The following CNBD1 variants were observed in gnomAD, a reference collection of about 807,000 sequenced individuals.
The protein encoded by CNBD1 is cyclic nucleotide-binding domain-containing protein 1.
CNBD1 carries 71 observed loss-of-function variants against 54.4 expected under a neutral mutation model. The observed-to-expected ratio is 1.30, with a 90% CI of 1.08 to 1.59. The LOEUF (loss-of-function observed/expected upper bound fraction) is 1.59. Among genes scored for constraint, CNBD1 ranks in the 40% most tolerant of loss-of-function variants. The pLI, the probability that CNBD1 is intolerant of heterozygous loss-of-function variation, is 0.00. For missense variants in CNBD1, 659 were observed against 518.0 expected (o/e 1.27, Z -2.64); for synonymous variants, 182 against 170.7 (o/e 1.07, Z -0.51).
intron 4 of CNBD1, among the ~76,000 whole-genome samples, chr8:87,180,390 C>T (rs1397607141): frequency 6.6e-6 from 1 of 152,084 alleles, no homozygotes; most frequent in African/African-American, 2.4e-5. Context: ...AGTAGTTTCA[C>T]CAAAATAAGC....
chr8:86,939,861 G>A (rs1260497920), intron 4 of CNBD1, 107 bp downstream of exon 4: 9 of 678,250 alleles, frequency 1.3e-5, no homozygotes, highest in Non-Finnish European at 1.9e-5. Context: ...TTATGATACA[G>A]CACTCATGGT....
intron 5 of CNBD1, among the ~76,000 whole-genome samples, chr8:87,221,922 T>A (rs1161513193): frequency 1.3e-5 from 2 of 152,150 alleles, no homozygotes; most frequent in Admixed American, 6.6e-5. Flanking sequence ...TAGACTTGTG[T>A]CTTAAAATAA....
intron 3 of CNBD1, among the ~76,000 whole-genome samples, chr8:86,912,999 T>C (rs2131816566): frequency 6.6e-6 from 1 of 152,302 alleles, no homozygotes; most frequent in East Asian, 1.9e-4. Flanking sequence ...AGGATAAAGA[T>C]AGAAACAAAG....
intron 8 of CNBD1, among the ~76,000 whole-genome samples, chr8:87,335,511 A>G (rs1380458507): frequency 6.6e-6 from 1 of 152,122 alleles, no homozygotes; most frequent in Non-Finnish European, 1.5e-5. Flanking sequence ...GTTTTATCAG[A>G]GACTAGGGTT....
At chr8:87,270,700 T>A (rs577720414) in intron 6 of CNBD1, among the ~76,000 whole-genome samples, 141 of 151,918 alleles carry the variant, frequency 9.3e-4, no homozygotes, top group African/African-American at 1.5e-3. Context: ...TTTAAAAAAA[T>A]TTATTTATTT....
chr8:87,287,716 A>G (rs956533574), intron 8 of CNBD1, among the ~76,000 whole-genome samples: 2 of 152,100 alleles, frequency 1.3e-5, no homozygotes, highest in Admixed American at 6.6e-5. Context: ...TCTTTTACTG[A>G]AAAAAAGTAA....
At chr8:87,339,358 T>A (rs969560240) in intron 8 of CNBD1, among the ~76,000 whole-genome samples, 2 of 152,162 alleles carry the variant, frequency 1.3e-5, no homozygotes, top group Non-Finnish European at 2.9e-5. Context: ...TCAGTTACAA[T>A]TCAGGTTTCC....
At chr8:87,080,562 C>G (rs2130664521) in intron 4 of CNBD1, among the ~76,000 whole-genome samples, 1 of 148,670 alleles carries the variant, frequency 6.7e-6, no homozygotes, top group East Asian at 2.0e-4. Context: ...AAGAGTGAAG[C>G]TCCATCTCAA....
chr8:87,364,229 A>G (rs1294417701), intron 10 of CNBD1, among the ~76,000 whole-genome samples: 1 of 150,754 alleles, frequency 6.6e-6, no homozygotes, highest in Non-Finnish European at 1.5e-5. Context: ...AAGTATCTAT[A>G]TATATGTATA....
At chr8:87,392,479 G>A (rs1811327222) in intron 2 of CNBD1, among the ~76,000 whole-genome samples, 1 of 151,960 alleles carries the variant, frequency 6.6e-6, no homozygotes, top group African/African-American at 2.4e-5. Flanking sequence ...GCAATAAGAA[G>A]GAATGAAGTC....
chr8:87,285,059 A>C (rs958629477), intron 7 of CNBD1, among the ~76,000 whole-genome samples: 2 of 152,102 alleles, frequency 1.3e-5, no homozygotes, highest in East Asian at 3.9e-4. Context: ...GCTTTTCATT[A>C]ATTTTAAACT....
intron 2 of CNBD1, among the ~76,000 whole-genome samples, chr8:86,904,281 G>T (rs1016024364): frequency 3.3e-5 from 5 of 151,946 alleles, no homozygotes; most frequent in Non-Finnish European, 7.4e-5. Context: ...TATAATTATT[G>T]AAATAAGCTC....
chr8:87,400,821 A>C (rs1807551525), intron 2 of CNBD1, among the ~76,000 whole-genome samples: 2 of 152,038 alleles, frequency 1.3e-5, no homozygotes, highest in Admixed American at 6.6e-5. Flanking sequence ...TCTGGTTGAC[A>C]TAGTGATTTC....
Position 86,866,429 on chromosome 8 carries a change from C to T in CNBD1, c.-67C>T. 9.0e-7 allele frequency: 1 copy of T among 1,113,438 alleles called. No homozygotes were observed. Among genetic ancestry groups the T allele is most frequent in the Non-Finnish European group, 1.3e-6 (1 of 747,436 alleles). The allele number at this position is 1,113,438 out of a possible 1,614,324, so 69.0% of individuals were successfully genotyped here. A position where few individuals can be genotyped will look rare whatever the true frequency, so the allele number is the denominator to read the frequency against. ...CTTGAAGTTCTGCTTTATGAGCCTG[C>T]AGGCAAAGAGTGATCATTTGCCTCT... On this transcript the variant is annotated 5_prime_UTR_variant, in exon 1 of 11. An upstream open reading frame in the 5' UTR gains an earlier in-frame stop. Coordinates refer to ENST00000518476, the MANE Select transcript of CNBD1 (RefSeq NM_173538.3).
chr8:87,030,509 C>T (rs59203528), intron 4 of CNBD1, among the ~76,000 whole-genome samples: 4,591 of 152,200 alleles, frequency 0.03, 238 homozygotes, highest in African/African-American at 0.1. Flanking sequence ...CTCCTTTTCA[C>T]TCCTTTATCT....
At chr8:86,950,155 G>A (rs1213868452) in intron 4 of CNBD1, among the ~76,000 whole-genome samples, 12 of 144,588 alleles carry the variant, frequency 8.3e-5, no homozygotes, top group Admixed American at 3.6e-4. Context: ...TCTGCCTCCC[G>A]GGTTTAAGCA....
intron 4 of CNBD1, among the ~76,000 whole-genome samples, chr8:87,092,426 T>C (rs1811226677): frequency 7.0e-6 from 1 of 142,320 alleles, no homozygotes; most frequent in African/African-American, 3.0e-5. Flanking sequence ...TGTATGTATG[T>C]ATGTATGTGT....
intron 4 of CNBD1, among the ~76,000 whole-genome samples, chr8:87,100,458 T>C (rs978046681): frequency 6.6e-6 from 1 of 152,100 alleles, no homozygotes; most frequent in Non-Finnish European, 1.5e-5. Context: ...TGAATGGGGA[T>C]AACAGAAAGC....
chr8:87,231,846 G>A (rs1015250845), intron 5 of CNBD1, among the ~76,000 whole-genome samples: 5 of 152,148 alleles, frequency 3.3e-5, no homozygotes, highest in South Asian at 2.1e-4. Flanking sequence ...GACAAATACT[G>A]TATCCCAGAT....
Sources: allele counts gnomAD v4.1 joint callset (sites outside exome capture counted in the v4.1 genomes callset), GRCh38; gene constraint gnomAD v4.1.1; transcripts MANE v1.5; gene names NCBI Gene and HGNC (gene_info 2026-07-23, HGNC 2026-07-21).